MRTFB: variants seen among roughly 807,000 people sequenced by gnomAD.
MRTFB encodes myocardin-related transcription factor B.
Under a neutral mutation model 104.2 loss-of-function variants are expected in MRTFB, and 29 were observed. That is an observed-to-expected ratio of 0.28 (90% CI 0.21 to 0.38). MRTFB has a LOEUF of 0.38. Among genes scored for constraint, MRTFB ranks in the 10% least tolerant of loss-of-function variants. The pLI is 1.00. For synonymous variants in MRTFB, 535 were observed against 519.5 expected, an observed-to-expected ratio of 1.03 and a Z score of -0.41; for missense variants, 1,270 against 1,341.6, an observed-to-expected ratio of 0.95 and a Z score of 0.83.
At chr16:14,257,970 A>T in intron 15 of MRTFB, 131 bp from the exon 16 acceptor site, 1 of 733,354 alleles carries the variant, frequency 1.4e-6, no homozygotes, top group South Asian at 1.9e-5. Flanking sequence ...TTCTCAGGTG[A>T]CCTCAGTGTT....
chr16:13,995,098 T>C, the MRTFB span, among the ~76,000 whole-genome samples: 3 of 152,206 alleles, frequency 2.0e-5, no homozygotes, highest in Non-Finnish European at 4.4e-5. Flanking sequence ...CCACAAATGA[T>C]TGACAAAGAC....
the MRTFB span, chr16:14,020,553 T>G: frequency 6.6e-6 from 1 of 152,044 alleles, no homozygotes; most frequent in East Asian, 1.9e-4. Context: ...TTTAGCCAGG[T>G]GGTCACGGAA....
At chr16:14,163,597 C>T (rs1352108469) in intron 3 of MRTFB, among the ~76,000 whole-genome samples, 3 of 151,956 alleles carry the variant, frequency 2.0e-5, no homozygotes, top group East Asian at 1.9e-4. Flanking sequence ...CTTGGGAGGC[C>T]GAGGCAGGCG....
intron 8 of MRTFB, among the ~76,000 whole-genome samples, chr16:14,228,571 G>A (rs1360018859): frequency 3.7e-4 from 53 of 144,232 alleles, no homozygotes; most frequent in African/African-American, 9.2e-4. Flanking sequence ...GCTAGACTCC[G>A]TCCCAAAAAA....
In MRTFB at chr16:14,140,577, A is replaced by G. The variant is rs1170075997; in HGVS notation, c.-30A>G. The G allele has an allele frequency of 6.2e-7, 1 of 1,613,430 alleles. No individual in the cohort carries two copies. The highest frequency in any genetic ancestry group is 1.7e-5 in the Admixed American group (1 of 60,024). ...ATAGGCCGTGTTTAAGAGGCGTCTT[A>G]CACTCCCTGTTGCCAGTGGCTGGAA... On this transcript the variant is annotated 5_prime_UTR_variant, in exon 3 of 17. Transcript: ENST00000571589.
the MRTFB span, among the ~76,000 whole-genome samples, chr16:14,028,579 C>G: frequency 6.6e-6 from 1 of 152,200 alleles, no homozygotes; most frequent in Non-Finnish European, 1.5e-5. Flanking sequence ...CACATCTCTC[C>G]TCTCCCACAA....
chr16:14,081,528 G>A (rs543042638), intron 2 of MRTFB, among the ~76,000 whole-genome samples: 4 of 152,122 alleles, frequency 2.6e-5, no homozygotes, highest in South Asian at 2.1e-4. Flanking sequence ...CCTGACCTCC[G>A]ATGATCCACC....
chr16:14,153,452 C>T (rs1309474840), intron 3 of MRTFB, among the ~76,000 whole-genome samples: 2 of 152,076 alleles, frequency 1.3e-5, no homozygotes, highest in Non-Finnish European at 2.9e-5. Flanking sequence ...TACTTTTGTA[C>T]TTGTTTGTGC....
At chr16:14,169,446 A>G (rs531974303) in intron 3 of MRTFB, among the ~76,000 whole-genome samples, 394 of 152,016 alleles carry the variant, frequency 2.6e-3, no homozygotes, top group African/African-American at 8.8e-3. Flanking sequence ...AACTTTGCCC[A>G]TTTTTTAACC....
the MRTFB span, among the ~76,000 whole-genome samples, chr16:14,029,441 TATATAC>T: frequency 5.3e-5 from 3 of 56,320 alleles, no homozygotes; most frequent in African/African-American, 1.2e-4. Flanking sequence ...TATATATATA[TATATAC>T]ACACACACAC....
At chr16:14,201,760 A>T (rs2040715674) in intron 3 of MRTFB, among the ~76,000 whole-genome samples, 1 of 152,186 alleles carries the variant, frequency 6.6e-6, no homozygotes, top group African/African-American at 2.4e-5. Context: ...AATGAGAATA[A>T]TCATTTACAT....
intron 3 of MRTFB, among the ~76,000 whole-genome samples, chr16:14,201,229 T>TA (rs1310961804): frequency 6.6e-6 from 1 of 152,212 alleles, no homozygotes; most frequent in African/African-American, 2.4e-5. Context: ...GCACATTCCA[T>TA]AGGTATGCAC....
At chr16:14,135,710 T>C (rs376579007) in intron 2 of MRTFB, among the ~76,000 whole-genome samples, 107 of 152,370 alleles carry the variant, frequency 7.0e-4, no homozygotes, top group African/African-American at 2.4e-3. Context: ...GTCAGAATTA[T>C]CTTTTTAAAA....
At chr16:14,143,512 T>TTC (rs886182723) in intron 3 of MRTFB, 6 of 148,952 alleles carry the variant, frequency 4.0e-5, no homozygotes, top group African/African-American at 1.5e-4. Context: ...ACTGATTCTT[T>TTC]TTTTTTTTTT....
intron 2 of MRTFB, among the ~76,000 whole-genome samples, chr16:14,101,668 A>C (rs957318333): frequency 2.6e-5 from 4 of 152,182 alleles, no homozygotes; most frequent in African/African-American, 9.7e-5. Context: ...TGCTGACAAG[A>C]TTCTGTTGAA....
intron 2 of MRTFB, among the ~76,000 whole-genome samples, chr16:14,118,201 A>C (rs2036645216): frequency 6.9e-6 from 1 of 145,352 alleles, no homozygotes; most frequent in Admixed American, 7.0e-5. Context: ...CAGCAGCATG[A>C]TCTCGACTCA....
At chr16:14,062,664 T>C in the MRTFB span, among the ~76,000 whole-genome samples, 6 of 152,110 alleles carry the variant, frequency 3.9e-5, no homozygotes, top group Non-Finnish European at 8.8e-5. Context: ...TTAAGCAGAA[T>C]TGGGAATGCA....
chr16:14,017,562 C>T, the MRTFB span, among the ~76,000 whole-genome samples: 1 of 133,148 alleles, frequency 7.5e-6, no homozygotes, highest in African/African-American at 2.7e-5. Flanking sequence ...TTTTGTGTCC[C>T]TTGCAACGAA....
intron 8 of MRTFB, among the ~76,000 whole-genome samples, chr16:14,232,613 TCAG>T (rs2042315417): frequency 6.6e-6 from 1 of 152,178 alleles, no homozygotes; most frequent in Admixed American, 6.5e-5. Flanking sequence ...AAAGCTGAAA[TCAG>T]CAGCTGAAAC....
Sources: allele counts gnomAD v4.1 joint callset (sites outside exome capture counted in the v4.1 genomes callset), GRCh38; gene constraint gnomAD v4.1.1; transcripts MANE v1.5; gene names NCBI Gene and HGNC (gene_info 2026-07-23, HGNC 2026-07-21).